Variants in FOXP1 observed in about 807,000 individuals in gnomAD.
FOXP1 encodes the protein forkhead box protein P1.
In FOXP1, 15 loss-of-function variants were observed where a neutral mutation model predicts 98.2. The observed-to-expected ratio is 0.15, with a 90% confidence interval of 0.10 to 0.24. The LOEUF (loss-of-function observed/expected upper bound fraction) is 0.24. FOXP1 is among the 10% of genes least tolerant of loss of function. The pLI, the probability that FOXP1 is intolerant of heterozygous loss-of-function variation, is 1.00. For synonymous variants in FOXP1, 371 were observed against 314.5 expected (o/e 1.18, Z -1.90); for missense variants, 633 against 848.5 (o/e 0.75, Z 3.15).
chr3:71,108,675 G>T (rs1373848484), intron 7 of FOXP1, among the ~76,000 whole-genome samples: 1 of 152,250 alleles, frequency 6.6e-6, no homozygotes, highest in East Asian at 1.9e-4. Context: ...CTAAGCAGGA[G>T]AATCGCTTGA....
chr3:71,066,396 A>C (rs2052515895), intron 7 of FOXP1, among the ~76,000 whole-genome samples: 1 of 152,172 alleles, frequency 6.6e-6, no homozygotes, highest in Non-Finnish European at 1.5e-5. Flanking sequence ...CAGATACCAA[A>C]TTTATTAATG....
chr3:71,012,940 TATC>T (rs1158137063), intron 12 of FOXP1, among the ~76,000 whole-genome samples: 1 of 152,334 alleles, frequency 6.6e-6, no homozygotes, highest in East Asian at 1.9e-4. Flanking sequence ...ATGTCTATAA[TATC>T]ATGTAACATT....
At chr3:71,109,079 A>G (rs1290888042) in intron 7 of FOXP1, among the ~76,000 whole-genome samples, 2 of 152,274 alleles carry the variant, frequency 1.3e-5, no homozygotes, top group East Asian at 3.8e-4. Flanking sequence ...ACTAAGTAGA[A>G]TATTTCTCAA....
chr3:71,312,724 C>G (rs2074780446), intron 4 of FOXP1, among the ~76,000 whole-genome samples: 1 of 152,190 alleles, frequency 6.6e-6, no homozygotes, highest in African/African-American at 2.4e-5. Flanking sequence ...GTGGCTCATA[C>G]CTGTAAATCC....
At chr3:70,964,172 T>A (rs141079327) in intron 20 of FOXP1, among the ~76,000 whole-genome samples, 1 of 152,202 alleles carries the variant, frequency 6.6e-6, no homozygotes, top group Admixed American at 6.5e-5. Context: ...CCTGTGAGAT[T>A]TGAGCAACGC....
chr3:71,094,773 C>T (rs1268895162), intron 7 of FOXP1, among the ~76,000 whole-genome samples: 2 of 152,156 alleles, frequency 1.3e-5, no homozygotes, highest in Non-Finnish European at 2.9e-5. Context: ...GGTTTGGGGA[C>T]GGGGAATGGT....
chr3:71,559,424 T>C (rs778875643), intron 2 of FOXP1, among the ~76,000 whole-genome samples: 1 of 152,186 alleles, frequency 6.6e-6, no homozygotes, highest in Non-Finnish European at 1.5e-5. Context: ...TCACCCATTC[T>C]CAGTTCCTGC....
At chr3:71,247,223 A>G (rs1389352472) in intron 5 of FOXP1, among the ~76,000 whole-genome samples, 1 of 152,184 alleles carries the variant, frequency 6.6e-6, no homozygotes, top group Non-Finnish European at 1.5e-5. Flanking sequence ...AAATTTCACA[A>G]AGGGAAAGGG....
chr3:71,484,765 C>T (rs761077908), intron 3 of FOXP1, among the ~76,000 whole-genome samples: 18 of 151,982 alleles, frequency 1.2e-4, no homozygotes, highest in Non-Finnish European at 1.9e-4. Context: ...AGTGTGGGCC[C>T]GAAAGTCTGT....
At chr3:71,000,620 A>T (rs2041996708) in intron 13 of FOXP1, among the ~76,000 whole-genome samples, 1 of 151,868 alleles carries the variant, frequency 6.6e-6, no homozygotes, top group Admixed American at 6.6e-5. Context: ...CACTGACAAC[A>T]GATAACCAGA....
At chr3:71,342,901 G>T (rs2077096578) in intron 4 of FOXP1, among the ~76,000 whole-genome samples, 1 of 152,162 alleles carries the variant, frequency 6.6e-6, no homozygotes, top group Non-Finnish European at 1.5e-5. Flanking sequence ...TTAACTAAAT[G>T]ACAGATTGTA....
chr3:70,973,835 G>GCCCCCCCCCCCCCCCCCC (rs56950015), intron 17 of FOXP1, among the ~76,000 whole-genome samples: 24 of 36,690 alleles, frequency 6.5e-4, no homozygotes, highest in East Asian at 1.4e-3. Flanking sequence ...TTTGCACACC[G>GCCCCCCCCCCCCCCCCCC]CCCCCCCCCC....
At chr3:71,237,231 G>GAAAAAAAAAAAAAAAACAAAAAAAAAAAA (rs2066871801) in intron 5 of FOXP1, among the ~76,000 whole-genome samples, 1 of 28,270 alleles carries the variant, frequency 3.5e-5, no homozygotes, top group African/African-American at 1.5e-4. Context: ...GACTCCATCT[G>GAAAAAAAAAAAAAAAACAAAAAAAAAAAA]AAAAAAAAAA....
intron 3 of FOXP1, among the ~76,000 whole-genome samples, chr3:71,445,014 C>T (rs142879597): frequency 7.8e-4 from 118 of 152,236 alleles, no homozygotes; most frequent in African/African-American, 2.7e-3. Context: ...GGAAGATGTG[C>T]AAGGGAGATC....
At chr3:71,178,489 C>T (rs999528255) in intron 6 of FOXP1, among the ~76,000 whole-genome samples, 1 of 152,112 alleles carries the variant, frequency 6.6e-6, no homozygotes, top group African/African-American at 2.4e-5. Context: ...CTCACTCATG[C>T]CTGTAATCAC....
At chr3:70,986,165 C>T (rs181312518) in intron 14 of FOXP1, among the ~76,000 whole-genome samples, 1 of 152,268 alleles carries the variant, frequency 6.6e-6, no homozygotes, top group African/African-American at 2.4e-5. Context: ...GTTCACTTCC[C>T]CCCATGCTTT....
intron 7 of FOXP1, among the ~76,000 whole-genome samples, chr3:71,066,072 A>G (rs550277134): frequency 7.0e-6 from 1 of 142,848 alleles, no homozygotes; most frequent in African/African-American, 2.6e-5. Flanking sequence ...TGTGACATCA[A>G]TGAATGCCTA....
intron 3 of FOXP1, among the ~76,000 whole-genome samples, chr3:71,377,543 C>A (rs2079812629): frequency 1.3e-5 from 2 of 152,248 alleles, no homozygotes; most frequent in South Asian, 4.1e-4. Context: ...GCTTAAAATA[C>A]TAAATAACCC....
intron 3 of FOXP1, among the ~76,000 whole-genome samples, chr3:71,484,726 T>A (rs910654017): frequency 2.6e-5 from 4 of 152,050 alleles, no homozygotes; most frequent in Non-Finnish European, 5.9e-5. Context: ...GACCACACTC[T>A]CCCTAACCAG....
Sources: gnomAD v4.1 joint callset for allele counts (sites outside exome capture counted in the v4.1 genomes callset) on GRCh38, gnomAD v4.1.1 for gene constraint, MANE v1.5 for transcripts, NCBI Gene and HGNC (gene_info 2026-07-23, HGNC 2026-07-21) for gene names.